The following NEGR1 variants were observed in gnomAD, a reference collection of about 807,000 sequenced individuals.
The protein encoded by NEGR1 is neuronal growth regulator 1.
NEGR1 carries 10 observed loss-of-function variants against 40.9 expected under a neutral mutation model. That is an observed-to-expected ratio of 0.24 (90% CI 0.15 to 0.42). The LOEUF (loss-of-function observed/expected upper bound fraction) is 0.42. Ranked by LOEUF, NEGR1 falls within the 10% of genes least tolerant of loss-of-function variation. The pLI, the probability that NEGR1 is intolerant of heterozygous loss-of-function variation, is 1.00. For synonymous variants in NEGR1, 185 were observed against 166.8 expected, an observed-to-expected ratio of 1.11 and a Z score of -0.84; for missense variants, 352 against 438.9, an observed-to-expected ratio of 0.80 and a Z score of 1.77.
chr1:72,077,196 C>A (rs1265581881), intron 1 of NEGR1, among the ~76,000 whole-genome samples: 1 of 151,886 alleles, frequency 6.6e-6, no homozygotes, highest in Non-Finnish European at 1.5e-5. Context: ...GCCCGGCCCT[C>A]ATTTATCTAT....
rs374569330 is a variant in NEGR1, at chr1:71,988,803, G to C, written c.177-53492C>G. Among the ~76,000 whole-genome samples, 71 of 151,060 alleles carry C rather than the reference G, an allele frequency of 4.7e-4. No homozygotes were observed. In the East Asian group the frequency reaches 6.5e-3, roughly 14 times the overall value. On this transcript the variant is annotated intron_variant, in intron 1 of 6. Transcript: ENST00000357731. ...CAAACACCTGCCACAGTGACATATG[G>C]TTTAATAAAACATAAAATAGCTATG...
chr1:71,776,078 T>A (rs1656496786), intron 3 of NEGR1, 94 bp downstream of exon 3: 5 of 739,240 alleles, frequency 6.8e-6, no homozygotes, highest in Non-Finnish European at 9.9e-6. Flanking sequence ...ATACAAAAAA[T>A]TAAGTTGACT....
At chr1:71,684,695 G>C (rs928045083) in intron 4 of NEGR1, among the ~76,000 whole-genome samples, 1 of 152,128 alleles carries the variant, frequency 6.6e-6, no homozygotes, top group Non-Finnish European at 1.5e-5. Context: ...TGTTAAATTG[G>C]AAGAGGAAAT....
chr1:71,928,549 CAT>C (rs34683087), intron 2 of NEGR1, among the ~76,000 whole-genome samples: 26,963 of 136,078 alleles, frequency 0.2, 3,417 homozygotes, highest in Admixed American at 0.33. Context: ...TATATATACA[CAT>C]ATGTGTATAT....
intron 2 of NEGR1, among the ~76,000 whole-genome samples, chr1:71,895,868 ATT>A (rs1165563288): frequency 6.6e-6 from 1 of 152,020 alleles, no homozygotes; most frequent in Non-Finnish European, 1.5e-5. Flanking sequence ...ATTTGGCCAC[ATT>A]TTCTTTCACA....
intron 1 of NEGR1, among the ~76,000 whole-genome samples, chr1:72,237,293 C>T (rs150528565): frequency 6.3e-4 from 95 of 151,970 alleles, no homozygotes; most frequent in African/African-American, 2.1e-3. Context: ...ATTCTTAAAC[C>T]AGAGAATCAT....
At chr1:72,066,517 A>T (rs1036475564) in intron 1 of NEGR1, among the ~76,000 whole-genome samples, 1 of 152,112 alleles carries the variant, frequency 6.6e-6, no homozygotes, top group African/African-American at 2.4e-5. Context: ...GTGACCCTCA[A>T]TGTGACTTTA....
chr1:72,160,554 A>G (rs1651519956), intron 1 of NEGR1, among the ~76,000 whole-genome samples: 1 of 152,158 alleles, frequency 6.6e-6, no homozygotes, highest in Non-Finnish European at 1.5e-5. Context: ...AATAAGTCAA[A>G]TAGTTCAAGT....
chr1:71,839,485 A>C (rs975460678), intron 2 of NEGR1, among the ~76,000 whole-genome samples: 1 of 151,926 alleles, frequency 6.6e-6, no homozygotes, highest in African/African-American at 2.4e-5. Context: ...TGTTGGGATT[A>C]CAGGCGTGAG....
chr1:71,946,193 C>T (rs1481531363), intron 1 of NEGR1, among the ~76,000 whole-genome samples: 2 of 152,020 alleles, frequency 1.3e-5, no homozygotes, highest in African/African-American at 2.4e-5. Context: ...CCTACATTCC[C>T]GAATATCTGG....
chr1:71,429,354 C>T (rs1460854275), intron 6 of NEGR1, among the ~76,000 whole-genome samples: 3 of 151,916 alleles, frequency 2.0e-5, no homozygotes, highest in Non-Finnish European at 4.4e-5. Flanking sequence ...AAAAAAAGTC[C>T]GAAAGGTTAA....
At chr1:72,267,449 T>C (rs1655685584) in intron 1 of NEGR1, among the ~76,000 whole-genome samples, 1 of 151,334 alleles carries the variant, frequency 6.6e-6, no homozygotes, top group South Asian at 2.1e-4. Context: ...ATTATATACA[T>C]TGTGCCCTAC....
chr1:71,973,510 A>C (rs1273662027), intron 1 of NEGR1, among the ~76,000 whole-genome samples: 3 of 152,138 alleles, frequency 2.0e-5, no homozygotes, highest in African/African-American at 7.2e-5. Flanking sequence ...AGAGATTTTA[A>C]TTTTCATCCA....
chr1:72,155,855 T>C (rs567465711), intron 1 of NEGR1, among the ~76,000 whole-genome samples: 153 of 152,096 alleles, frequency 1.0e-3, no homozygotes, highest in Non-Finnish European at 1.5e-3. Context: ...AGTTGTCCAA[T>C]AGTGAGTAGC....
chr1:71,957,306 T>A (rs993768287), intron 1 of NEGR1, among the ~76,000 whole-genome samples: 1 of 152,082 alleles, frequency 6.6e-6, no homozygotes, highest in African/African-American at 2.4e-5. Flanking sequence ...AATTCAAGGG[T>A]AAGCATGGTG....
chr1:71,837,256 A>G (rs1354398430), intron 2 of NEGR1, among the ~76,000 whole-genome samples: 1 of 152,096 alleles, frequency 6.6e-6, no homozygotes, highest in African/African-American at 2.4e-5. Context: ...TATGCCTGAC[A>G]CTATTCTAGG....
intron 1 of NEGR1, among the ~76,000 whole-genome samples, chr1:72,212,196 T>C (rs1653633517): frequency 1.3e-5 from 2 of 151,896 alleles, no homozygotes; most frequent in African/African-American, 2.4e-5. Context: ...AAAAACAAGA[T>C]AAATTGTGTT....
chr1:71,988,488 G>A (rs550069060), intron 1 of NEGR1, among the ~76,000 whole-genome samples: 2 of 136,638 alleles, frequency 1.5e-5, no homozygotes, highest in African/African-American at 5.5e-5. Flanking sequence ...GCAGTGAGCC[G>A]AGATTGCGCC....
Position 71,779,714 on chromosome 1 carries a change from C to T in NEGR1, c.410-3417G>A, listed in dbSNP as rs542533723. ...TCCGGAGTAGCTGGGATTACAGGCGCCTGCCACTGCGCCCAGCTAATTTTC... is the reference window on the plus strand; with the variant it reads ...TCCGGAGTAGCTGGGATTACAGGCGTCTGCCACTGCGCCCAGCTAATTTTC... On this transcript the variant is annotated intron_variant, in intron 2 of 6. Transcript: ENST00000357731. Among the ~76,000 whole-genome samples, 104 of 151,962 alleles carry T rather than the reference C, an allele frequency of 6.8e-4. No homozygotes were observed. In the Middle Eastern group the frequency reaches 0.014, roughly 20 times the overall value.
Sources: gnomAD v4.1 joint callset for allele counts (sites outside exome capture counted in the v4.1 genomes callset) on GRCh38, gnomAD v4.1.1 for gene constraint, MANE v1.5 for transcripts, NCBI Gene and HGNC (gene_info 2026-07-23, HGNC 2026-07-21) for gene names.